Variants in DNAH6 observed in about 807,000 individuals in gnomAD.
DNAH6 encodes the protein axonemal beta dynein heavy chain 6.
In DNAH6, 340 loss-of-function variants were observed where a neutral mutation model predicts 491.4. The observed-to-expected ratio is 0.69, with a 90% CI of 0.63 to 0.76. DNAH6 has a LOEUF of 0.76. Among genes scored for constraint, DNAH6 ranks in the 30% least tolerant of loss-of-function variants. The pLI is 0.00. For missense variants in DNAH6, 4,443 were observed against 4,972.2 expected (o/e 0.89, Z 3.20); for synonymous variants, 1,603 against 1,686.1 (o/e 0.95, Z 1.21).
intron 55 of DNAH6, 93 bp downstream of exon 55, chr2:84,709,639 G>A (rs1696845852): frequency 7.4e-7 from 1 of 1,352,854 alleles, no homozygotes; most frequent in East Asian, 2.5e-5. Flanking sequence ...AATGTACTTG[G>A]AGATTTAGAT....
chr2:84,616,556 C>G (rs1467180026), intron 22 of DNAH6, among the ~76,000 whole-genome samples: 4 of 152,038 alleles, frequency 2.6e-5, no homozygotes, highest in Admixed American at 6.6e-5. Context: ...TTTTTCCACC[C>G]CTTTACCTTA....
chr2:84,711,512 T>G (rs1014768135), intron 56 of DNAH6, among the ~76,000 whole-genome samples: 5 of 152,204 alleles, frequency 3.3e-5, no homozygotes, highest in African/African-American at 1.2e-4. Flanking sequence ...GTAATTAATA[T>G]GTTAGCATTA....
chr2:84,508,429 T>C, the DNAH6 span, among the ~76,000 whole-genome samples: 6 of 152,334 alleles, frequency 3.9e-5, no homozygotes, highest in East Asian at 1.2e-3. Flanking sequence ...TTTATCATTT[T>C]TTATTGCGTC....
chr2:84,553,506 G>A (rs748530558), intron 10 of DNAH6, among the ~76,000 whole-genome samples: 27 of 145,088 alleles, frequency 1.9e-4, no homozygotes, highest in African/African-American at 2.6e-4. Context: ...TCTGTCACCC[G>A]GGCTGGAATG....
chr2:84,783,972 G>A (rs901353712), intron 65 of DNAH6, among the ~76,000 whole-genome samples: 6 of 152,194 alleles, frequency 3.9e-5, no homozygotes, highest in African/African-American at 1.4e-4. Flanking sequence ...CATGAAGAAA[G>A]TGAGGGAATC....
intron 22 of DNAH6, among the ~76,000 whole-genome samples, chr2:84,616,634 A>C (rs1686876673): frequency 6.6e-6 from 1 of 152,106 alleles, no homozygotes; most frequent in South Asian, 2.1e-4. Context: ...GGACATCCAG[A>C]TTGGTAAAGA....
intron 31 of DNAH6, among the ~76,000 whole-genome samples, chr2:84,639,417 A>ATT (rs374331918): frequency 0.084 from 11,174 of 133,128 alleles, 635 homozygotes; most frequent in African/African-American, 0.12. Flanking sequence ...GTTGTCAGTA[A>ATT]TTTTTTTTTT....
intron 2 of DNAH6, among the ~76,000 whole-genome samples, chr2:84,518,712 T>C (rs1375158057): frequency 6.6e-6 from 1 of 152,224 alleles, no homozygotes; most frequent in Non-Finnish European, 1.5e-5. Context: ...ATGTGCGTAC[T>C]CTGTGCCAGG....
intron 62 of DNAH6, among the ~76,000 whole-genome samples, chr2:84,739,745 T>C (rs1476527819): frequency 2.0e-5 from 3 of 152,224 alleles, no homozygotes; most frequent in African/African-American, 7.2e-5. Context: ...ATATCTTCTG[T>C]TCTGTTCTTA....
chr2:84,616,597 G>A (rs1289447696), intron 22 of DNAH6, among the ~76,000 whole-genome samples: 2 of 152,040 alleles, frequency 1.3e-5, no homozygotes, highest in Admixed American at 6.6e-5. Flanking sequence ...TGTTAGGTGA[G>A]TCTCTTGAAG....
At chr2:84,508,447 T>C in the DNAH6 span, among the ~76,000 whole-genome samples, 3 of 152,190 alleles carry the variant, frequency 2.0e-5, no homozygotes, top group Non-Finnish European at 2.9e-5. Context: ...GTCTATTTGA[T>C]TCTTTTCTCT....
chr2:84,553,037 G>A lies in DNAH6; in HGVS notation c.1602+3G>A, dbSNP rs770243128. 3 of 1,558,384 alleles carry A rather than the reference G, an allele frequency of 1.9e-6. No homozygotes were observed. The African/African-American group carries it at 4.1e-5, about 21-fold the overall frequency. On this transcript the variant is annotated splice_donor_region_variant and intron_variant, in intron 10 of 76. Transcript: ENST00000389394. ...AGCCTTCTCTGGAAGACTTTCTGGT[G>A]TGTGTTTTTCATGTATTATCCACAT...
chr2:84,705,438 T>TA (rs1364954443), intron 51 of DNAH6, 48 bp from the exon 52 acceptor site: 1 of 1,446,852 alleles, frequency 6.9e-7, no homozygotes, highest in East Asian at 2.5e-5. Context: ...CTTTTGTTCT[T>TA]ATATTACTTC....
chr2:84,597,093 T>C (rs4641948), intron 18 of DNAH6, among the ~76,000 whole-genome samples: 146,862 of 152,266 alleles, frequency 0.96, 70,872 homozygotes, highest in East Asian at 1. Flanking sequence ...GCCTTTCCCT[T>C]TATCACAATT....
chr2:84,742,659 T>TGCTTCCTTTTTTCTTCTTTCTTC (rs1191499913), intron 62 of DNAH6, among the ~76,000 whole-genome samples: 45 of 152,350 alleles, frequency 3.0e-4, no homozygotes, highest in Non-Finnish European at 5.3e-4. Flanking sequence ...GCTTTTTCTT[T>TGCTTCCTTTTTTCTTCTTTCTTC]GCTTCCTTTT....
chr2:84,511,374 T>C, the DNAH6 span, among the ~76,000 whole-genome samples: 6 of 136,672 alleles, frequency 4.4e-5, no homozygotes, highest in Admixed American at 6.8e-5. Flanking sequence ...CTCCAAGCCA[T>C]GCGCGGGATA....
In DNAH6 at chr2:84,614,347, C is replaced by T. The variant is rs114493691; in HGVS notation, c.3475+2493C>T. Among the ~76,000 whole-genome samples, 252 of 152,192 alleles carry T rather than the reference C, an allele frequency of 1.7e-3. 1 individual carries two copies. Among genetic ancestry groups the T allele is most frequent in the Non-Finnish European group, 2.8e-3 (193 of 67,986 alleles). On this transcript the variant is annotated intron_variant, in intron 22 of 76. Coordinates refer to ENST00000389394, the MANE Select transcript of DNAH6 (RefSeq NM_001370.2). Reference sequence around the variant, plus strand: ...ATGGTCTCCAAATCAATTCAGGTTGCTGCAAATGCCATTATTTCATTCCGT... The same window carrying T: ...ATGGTCTCCAAATCAATTCAGGTTGTTGCAAATGCCATTATTTCATTCCGT...
At chr2:84,570,989 A>T (rs1681783490) in intron 11 of DNAH6, among the ~76,000 whole-genome samples, 1 of 152,194 alleles carries the variant, frequency 6.6e-6, no homozygotes, top group Non-Finnish European at 1.5e-5. Flanking sequence ...ACTCACCGTG[A>T]GAGTCCGGGG....
the DNAH6 span, among the ~76,000 whole-genome samples, chr2:84,509,422 G>T: frequency 1.3e-5 from 2 of 152,054 alleles, no homozygotes; most frequent in South Asian, 4.1e-4. Flanking sequence ...TTTTCCATTT[G>T]CTTGGTAGAT....
Sources: allele counts gnomAD v4.1 joint callset (sites outside exome capture counted in the v4.1 genomes callset), GRCh38; gene constraint gnomAD v4.1.1; transcripts MANE v1.5; gene names NCBI Gene and HGNC (gene_info 2026-07-23, HGNC 2026-07-21).